The following LDAH variants were observed in gnomAD, a reference collection of about 807,000 sequenced individuals.
The protein encoded by LDAH is lipid droplet-associated hydrolase.
Under a neutral mutation model 29.6 loss-of-function variants are expected in LDAH, and 26 were observed. The ratio of observed to expected loss-of-function variants is 0.88; its 90% CI spans 0.64 to 1.22. LDAH has a LOEUF of 1.22. Ranked by LOEUF, LDAH falls within the 50% of genes most tolerant of loss-of-function variation. The pLI is 0.00. For missense variants in LDAH, 344 were observed against 387.3 expected, an observed-to-expected ratio of 0.89 and a Z score of 0.94; for synonymous variants, 117 against 133.0, an observed-to-expected ratio of 0.88 and a Z score of 0.83.
chr2:20,720,656 T>C (rs917516917), intron 5 of LDAH, among the ~76,000 whole-genome samples: 6 of 151,890 alleles, frequency 4.0e-5, no homozygotes, highest in Admixed American at 3.9e-4. Context: ...AGACGCCGAA[T>C]TGCTAAGGAA....
At chr2:20,696,399 G>C (rs1024495654) in intron 6 of LDAH, among the ~76,000 whole-genome samples, 5 of 152,180 alleles carry the variant, frequency 3.3e-5, no homozygotes, top group Admixed American at 2.6e-4. Context: ...GCCCTGGCCT[G>C]GCCCTCTGGG....
chr2:20,776,273 G>A (rs1210658666), intron 3 of LDAH, among the ~76,000 whole-genome samples: 1 of 152,000 alleles, frequency 6.6e-6, no homozygotes, highest in South Asian at 2.1e-4. Context: ...TTTAGTCTAA[G>A]TCCTGTTTAT....
In LDAH at chr2:20,710,606, G is replaced by GTATA. The variant is rs1467339981; in HGVS notation, c.704-8958_704-8955dup. Among the ~76,000 whole-genome samples the GTATA allele has an allele frequency of 4.9e-4, 65 of 131,868 alleles. 1 individual carries two copies. The highest frequency in any genetic ancestry group is 1.7e-3 in the African/African-American group (62 of 36,382). 86.5% of individuals were successfully genotyped at this position (131,868 alleles called of 152,430 possible). On this transcript the variant is annotated intron_variant, in intron 5 of 6. Coordinates refer to ENST00000237822, the MANE Select transcript of LDAH (RefSeq NM_021925.4). ...TAGGGGTGTGTGTGTGTGTGTGTGT[G>GTATA]TATATATATATATAGATATATATAT...
chr2:20,811,067 G>T (rs1328969155), intron 1 of LDAH, among the ~76,000 whole-genome samples: 3 of 151,578 alleles, frequency 2.0e-5, no homozygotes, highest in Admixed American at 1.3e-4. Flanking sequence ...GCCCAGGCTG[G>T]ACTGCAGTGG....
chr2:20,810,033 T>TA (rs1303804325), intron 1 of LDAH, among the ~76,000 whole-genome samples: 1 of 152,232 alleles, frequency 6.6e-6, no homozygotes, highest in Admixed American at 6.5e-5. Flanking sequence ...CTTTAAAACT[T>TA]AGTGGCTTAA....
intron 1 of LDAH, among the ~76,000 whole-genome samples, chr2:20,807,643 GA>G (rs1299916616): frequency 6.6e-6 from 1 of 151,716 alleles, no homozygotes; most frequent in East Asian, 1.9e-4. Flanking sequence ...CAATAGTCAT[GA>G]AAAAATTCTT....
chr2:20,782,603 T>C (rs1023810963), intron 3 of LDAH, among the ~76,000 whole-genome samples: 3 of 152,230 alleles, frequency 2.0e-5, no homozygotes, highest in Non-Finnish European at 2.9e-5. Flanking sequence ...TTTCAATAAA[T>C]TGGTCCCTTT....
At chr2:20,729,084 C>G (rs777086984) in intron 5 of LDAH, among the ~76,000 whole-genome samples, 1 of 152,180 alleles carries the variant, frequency 6.6e-6, no homozygotes, top group Non-Finnish European at 1.5e-5. Context: ...TAGTATAAAA[C>G]TCTGGTTGCC....
At chr2:20,813,052 GAA>G (rs1304713425) in intron 1 of LDAH, among the ~76,000 whole-genome samples, 1 of 152,200 alleles carries the variant, frequency 6.6e-6, no homozygotes, top group East Asian at 1.9e-4. Context: ...AGAAATGTCT[GAA>G]AGATTCCAGA....
At chr2:20,801,224 A>G in intron 2 of LDAH, 86 bp downstream of exon 2, 1 of 1,404,116 alleles carries the variant, frequency 7.1e-7, no homozygotes, top group Non-Finnish European at 9.7e-7. Flanking sequence ...AAGGTTTTCC[A>G]TATTTACCAA....
At chr2:20,728,238 G>A (rs1222710079) in intron 5 of LDAH, among the ~76,000 whole-genome samples, 4 of 152,102 alleles carry the variant, frequency 2.6e-5, no homozygotes, top group Non-Finnish European at 5.9e-5. Context: ...TGCAAACACT[G>A]CAAAGCCTCC....
intron 1 of LDAH, among the ~76,000 whole-genome samples, chr2:20,822,224 A>G (rs1427322995): frequency 6.6e-6 from 1 of 151,778 alleles, no homozygotes; most frequent in African/African-American, 2.4e-5. Flanking sequence ...TCCCGGGTTC[A>G]CGCCATTCTC....
At chr2:20,812,711 G>C (rs939102016) in intron 1 of LDAH, among the ~76,000 whole-genome samples, 1 of 152,192 alleles carries the variant, frequency 6.6e-6, no homozygotes, top group Non-Finnish European at 1.5e-5. Flanking sequence ...GACATGTAAA[G>C]TAATGTAAGC....
rs1291710073 is a variant in LDAH at position 20,684,177 on chromosome 2, C to G, written c.*2726G>C. ...CTCACCCCCAGATACCTCAGTGTCT[C>G]CAGTACAAACAAGGACACTCTCTTA... is the stretch of plus-strand genomic sequence containing the variant. On this transcript the variant is annotated 3_prime_UTR_variant, in exon 7 of 7. Transcript: ENST00000237822. 1 of 152,212 alleles carries G rather than the reference C, an allele frequency of 6.6e-6. No homozygotes were observed. Among genetic ancestry groups the G allele is most frequent in the Non-Finnish European group, 1.5e-5 (1 of 68,054 alleles). 9.4% of individuals were successfully genotyped at this position (152,212 alleles called of 1,614,324 possible).
Position 20,798,589 on chromosome 2 carries a change from CATAAT to C in LDAH, c.154+2716_154+2720del, listed in dbSNP as rs1029408586. ...AATTAATATAATATAATATAATATACATAATATAATATAATACATAGTCATAATAA... is the reference window on the plus strand; with the variant it reads ...AATTAATATAATATAATATAATATACATAATATAATACATAGTCATAATAA... On this transcript the variant is annotated intron_variant, in intron 2 of 6. Coordinates refer to ENST00000237822, the MANE Select transcript of LDAH (RefSeq NM_021925.4). Among the ~76,000 whole-genome samples, 47 of 146,032 alleles carry C rather than the reference CATAAT, an allele frequency of 3.2e-4. No individual in the cohort carries two copies. The South Asian group carries it at 5.1e-3, about 16-fold the overall frequency.
chr2:20,688,510 C>G (rs1048940484), intron 6 of LDAH, among the ~76,000 whole-genome samples: 3 of 152,150 alleles, frequency 2.0e-5, no homozygotes, highest in Non-Finnish European at 4.4e-5. Flanking sequence ...AGGAAAACCA[C>G]TCTGGCCACA....
At chr2:20,797,695 T>C (rs181287024) in intron 2 of LDAH, among the ~76,000 whole-genome samples, 2 of 152,070 alleles carry the variant, frequency 1.3e-5, no homozygotes, top group African/African-American at 2.4e-5. Context: ...TAGTCAAGGA[T>C]TGCCAGACAT....
At chr2:20,735,980 G>A (rs976863765) in intron 5 of LDAH, among the ~76,000 whole-genome samples, 9 of 152,056 alleles carry the variant, frequency 5.9e-5, no homozygotes, top group African/African-American at 1.4e-4. Flanking sequence ...GAAAGTCTTC[G>A]CTCTCTACTC....
intron 2 of LDAH, among the ~76,000 whole-genome samples, chr2:20,797,533 G>A (rs145058202): frequency 7.9e-5 from 12 of 152,216 alleles, no homozygotes; most frequent in African/African-American, 2.9e-4. Flanking sequence ...GACTGTCATG[G>A]TTTTAGTACT....
Sources: allele counts gnomAD v4.1 joint callset (sites outside exome capture counted in the v4.1 genomes callset), GRCh38; gene constraint gnomAD v4.1.1; transcripts MANE v1.5; gene names NCBI Gene and HGNC (gene_info 2026-07-23, HGNC 2026-07-21).